The following CLVS1 variants were observed in gnomAD, a reference collection of about 807,000 sequenced individuals.
The protein encoded by CLVS1 is clavesin 1.
In CLVS1, 10 loss-of-function variants were observed where a neutral mutation model predicts 33.1. The observed-to-expected ratio is 0.30, with a 90% CI of 0.19 to 0.51. The LOEUF (loss-of-function observed/expected upper bound fraction) is 0.51. Among genes scored for constraint, CLVS1 ranks in the 20% least tolerant of loss-of-function variants. The probability of loss-of-function intolerance (pLI) is 0.97; values close to 1 mark genes in which losing one functional copy is unlikely to be tolerated. For synonymous variants in CLVS1, 163 were observed against 166.1 expected (o/e 0.98, Z 0.14); for missense variants, 343 against 433.4 (o/e 0.79, Z 1.85).
chr8:61,280,614 T>C (rs1174043098), intron 2 of CLVS1, among the ~76,000 whole-genome samples: 1 of 152,236 alleles, frequency 6.6e-6, no homozygotes, highest in Non-Finnish European at 1.5e-5. Flanking sequence ...TGCATTAACA[T>C]ATGTCAATAA....
At chr8:61,247,433 C>T (rs1808838720) in intron 2 of CLVS1, among the ~76,000 whole-genome samples, 1 of 152,146 alleles carries the variant, frequency 6.6e-6, no homozygotes, top group South Asian at 2.1e-4. Context: ...ATAAGGGTTC[C>T]ATTTTCTCTG....
At chr8:61,021,904 T>C in the CLVS1 span, among the ~76,000 whole-genome samples, 1 of 152,170 alleles carries the variant, frequency 6.6e-6, no homozygotes, top group Non-Finnish European at 1.5e-5. Context: ...CTACCCCCAG[T>C]AGTCCCCAGT....
At chr8:60,987,193 G>A in the CLVS1 span, among the ~76,000 whole-genome samples, 1 of 152,218 alleles carries the variant, frequency 6.6e-6, no homozygotes, top group Non-Finnish European at 1.5e-5. Context: ...CGGGAGGGGA[G>A]CCACATACCC....
At chr8:61,293,711 C>T (rs962648258) in intron 1 of CLVS1, among the ~76,000 whole-genome samples, 2 of 152,000 alleles carry the variant, frequency 1.3e-5, no homozygotes, top group Admixed American at 6.6e-5. Context: ...AGGTAAAGAG[C>T]TATAAGGGTT....
chr8:61,041,316 T>G, the CLVS1 span, among the ~76,000 whole-genome samples: 2 of 152,220 alleles, frequency 1.3e-5, no homozygotes, highest in Non-Finnish European at 2.9e-5. Context: ...CAGGCTTTTT[T>G]TTTGGTTCCA....
intron 2 of CLVS1, among the ~76,000 whole-genome samples, chr8:61,257,340 A>G (rs1809104420): frequency 6.6e-6 from 1 of 152,208 alleles, no homozygotes; most frequent in Non-Finnish European, 1.5e-5. Context: ...ATATTCAGCA[A>G]AGCTACACAT....
At chr8:61,265,748 C>T (rs1809291322) in intron 2 of CLVS1, among the ~76,000 whole-genome samples, 1 of 152,206 alleles carries the variant, frequency 6.6e-6, no homozygotes, top group Non-Finnish European at 1.5e-5. Flanking sequence ...TACAGAGCAG[C>T]CAGCATCTGG....
the CLVS1 span, among the ~76,000 whole-genome samples, chr8:60,969,233 G>A: frequency 5.3e-5 from 8 of 152,192 alleles, no homozygotes; most frequent in African/African-American, 1.2e-4. Context: ...TGGAACAGGG[G>A]TTGGGGGTTA....
At chr8:61,060,532 A>C (rs1164421676) in intron 1 of CLVS1, among the ~76,000 whole-genome samples, 1 of 152,212 alleles carries the variant, frequency 6.6e-6, no homozygotes, top group African/African-American at 2.4e-5. Flanking sequence ...GTTCTGCAGA[A>C]AATCACATTA....
intron 2 of CLVS1, among the ~76,000 whole-genome samples, chr8:61,231,215 G>A (rs113578900): frequency 0.015 from 2,245 of 152,084 alleles, 23 homozygotes; most frequent in Non-Finnish European, 0.024. Flanking sequence ...CATTATAAAA[G>A]CAGCAAAAGT....
At chr8:61,184,411 G>A (rs1807301136) in intron 2 of CLVS1, among the ~76,000 whole-genome samples, 1 of 152,176 alleles carries the variant, frequency 6.6e-6, no homozygotes, top group Admixed American at 6.5e-5. Flanking sequence ...AAAAGACCTA[G>A]CCTCACTCAC....
chr8:61,233,098 T>C (rs1400260435), intron 2 of CLVS1, among the ~76,000 whole-genome samples: 1 of 152,226 alleles, frequency 6.6e-6, no homozygotes, highest in Non-Finnish European at 1.5e-5. Context: ...TTAACAGGCA[T>C]ATGAACATTT....
At chr8:61,351,620 A>G (rs1812465835) in intron 2 of CLVS1, among the ~76,000 whole-genome samples, 1 of 152,162 alleles carries the variant, frequency 6.6e-6, no homozygotes, top group Non-Finnish European at 1.5e-5. Flanking sequence ...AGGATAAAAC[A>G]AAGGAACACA....
intron 1 of CLVS1, among the ~76,000 whole-genome samples, chr8:61,292,973 A>G (rs990505797): frequency 2.0e-5 from 3 of 152,166 alleles, no homozygotes; most frequent in African/African-American, 7.2e-5. Flanking sequence ...TATTTTGGTT[A>G]CAAAAGTTTT....
chr8:61,082,285 A>G (rs1805034529), intron 1 of CLVS1, among the ~76,000 whole-genome samples: 1 of 152,230 alleles, frequency 6.6e-6, no homozygotes, highest in African/African-American at 2.4e-5. Flanking sequence ...AAGGCACAGT[A>G]TATGTAAGAG....
At chr8:61,240,704 T>C (rs181588806) in intron 2 of CLVS1, among the ~76,000 whole-genome samples, 1 of 152,312 alleles carries the variant, frequency 6.6e-6, no homozygotes, top group Non-Finnish European at 1.5e-5. Context: ...CACTGTAGTA[T>C]GTTATCTGCA....
chr8:61,346,091 A>C (rs1812211161), intron 2 of CLVS1, among the ~76,000 whole-genome samples: 1 of 152,226 alleles, frequency 6.6e-6, no homozygotes, highest in Admixed American at 6.5e-5. Flanking sequence ...AGTCCCAAAA[A>C]TAAATAAGTA....
At chr8:61,476,603 A>G (rs369244164) in intron 5 of CLVS1, among the ~76,000 whole-genome samples, 13 of 151,974 alleles carry the variant, frequency 8.6e-5, no homozygotes, top group South Asian at 6.2e-4. Flanking sequence ...CTGTTTGTCT[A>G]TTATTGGTAT....
chr8:61,379,096 C>A (rs1813764310), intron 3 of CLVS1, among the ~76,000 whole-genome samples: 1 of 152,178 alleles, frequency 6.6e-6, no homozygotes, highest in Non-Finnish European at 1.5e-5. Context: ...CATGCACCCT[C>A]AGAGAGACCT....
Sources: gnomAD v4.1 joint callset for allele counts (sites outside exome capture counted in the v4.1 genomes callset) on GRCh38, gnomAD v4.1.1 for gene constraint, MANE v1.5 for transcripts, NCBI Gene and HGNC (gene_info 2026-07-23, HGNC 2026-07-21) for gene names.